Variants in TRIM23 observed in about 807,000 individuals in gnomAD.
TRIM23 encodes the protein E3 ubiquitin-protein ligase TRIM23.
TRIM23 carries 27 observed loss-of-function variants against 71.0 expected under a neutral mutation model. The ratio of observed to expected loss-of-function variants is 0.38; its 90% confidence interval spans 0.28 to 0.52. TRIM23 has a LOEUF of 0.52. Ranked by LOEUF, TRIM23 falls within the 20% of genes least tolerant of loss-of-function variation. The pLI is 0.84. For missense variants in TRIM23, 482 were observed against 692.3 expected (o/e 0.70, Z 3.41); for synonymous variants, 234 against 238.0 (o/e 0.98, Z 0.16).
At chr5:65,596,358 T>A in intron 9 of TRIM23, 63 bp downstream of exon 9, 3 of 1,147,020 alleles carry the variant, frequency 2.6e-6, no homozygotes, top group Non-Finnish European at 3.9e-6. Context: ...GCTAGTTAAA[T>A]CAGTACACTG....
chr5:65,592,316 C>T (rs1005608291), intron 10 of TRIM23, among the ~76,000 whole-genome samples: 7 of 152,122 alleles, frequency 4.6e-5, no homozygotes, highest in Non-Finnish European at 1.0e-4. Context: ...ACTTCTGCCT[C>T]CTGGTTCAAG....
In TRIM23 at chr5:65,590,365, G is replaced by GA; in HGVS notation, c.*1403_*1404insT. On this transcript the variant is annotated 3_prime_UTR_variant, in exon 11 of 11. Coordinates refer to ENST00000231524, the MANE Select transcript of TRIM23 (RefSeq NM_001656.4). ...TACATATTGCCCATAATACTGATAG[G>GA]CTTTTTTTTTAATGCTTTGTTTTCT... 1 of 1,421,068 alleles carries GA rather than the reference G, an allele frequency of 7.0e-7. No homozygotes were observed. Among genetic ancestry groups the GA allele is most frequent in the Non-Finnish European group, 9.4e-7 (1 of 1,069,046 alleles). 88.0% of individuals were successfully genotyped at this position (1,421,068 alleles called of 1,614,324 possible). A position where few individuals can be genotyped will look rare whatever the true frequency, so the allele number is the denominator to read the frequency against.
At chr5:65,617,366 A>C (rs1435501539) in intron 2 of TRIM23, among the ~76,000 whole-genome samples, 1 of 152,188 alleles carries the variant, frequency 6.6e-6, no homozygotes, top group Non-Finnish European at 1.5e-5. Context: ...AATAGTATGA[A>C]TATATTAAAA....
At position 65,590,057 on chromosome 5, in the gene TRIM23, A is replaced by G. The variant is rs191435373; in HGVS notation, c.*1712T>C. Reference sequence around the variant, plus strand: ...CATTATAATCAGGCACAATTTTTCAACTGTGTTCAGTTATATGCTAAGAAT... The same window carrying G: ...CATTATAATCAGGCACAATTTTTCAGCTGTGTTCAGTTATATGCTAAGAAT... On this transcript the variant is annotated 3_prime_UTR_variant, in exon 11 of 11. Coordinates refer to ENST00000231524, the MANE Select transcript of TRIM23 (RefSeq NM_001656.4). 472 of 361,760 alleles carry G rather than the reference A, an allele frequency of 1.3e-3. 2 individuals are homozygous for G. Among genetic ancestry groups the G allele is most frequent in the African/African-American group, 8.7e-3 (412 of 47,422 alleles). 22.4% of individuals were successfully genotyped at this position (361,760 alleles called of 1,614,324 possible). A position where few individuals can be genotyped will look rare whatever the true frequency, so the allele number is the denominator to read the frequency against.
At chr5:65,599,667 G>C (rs1359857124) in intron 7 of TRIM23, among the ~76,000 whole-genome samples, 1 of 152,070 alleles carries the variant, frequency 6.6e-6, no homozygotes, top group African/African-American at 2.4e-5. Flanking sequence ...TAACAGCCCA[G>C]GTAATTTATA....
intron 7 of TRIM23, among the ~76,000 whole-genome samples, chr5:65,600,581 T>C (rs1469903896): frequency 1.3e-5 from 2 of 149,006 alleles, no homozygotes; most frequent in African/African-American, 2.5e-5. Context: ...CCTCATGACA[T>C]TGCATTTGAG....
Position 65,591,528 on chromosome 5 carries a change from AAGAAT to A in TRIM23, c.*236_*240del. 6.7e-7 allele frequency: 1 copy of A among 1,496,882 alleles called. No homozygotes were observed. The highest frequency in any genetic ancestry group is 1.3e-5 in the South Asian group (1 of 78,950). The allele number at this position is 1,496,882 out of a possible 1,614,324, so 92.7% of individuals were successfully genotyped here. On this transcript the variant is annotated 3_prime_UTR_variant, in exon 11 of 11. Coordinates refer to ENST00000231524, the MANE Select transcript of TRIM23 (RefSeq NM_001656.4). Reference sequence around the variant, plus strand: ...CTTAAATAACAAATATACTTTTTAAAAGAATGTATATTCAATAAGTTTCTATTTAA... The same window carrying A: ...CTTAAATAACAAATATACTTTTTAAAGTATATTCAATAAGTTTCTATTTAA...
In TRIM23 at chr5:65,594,660, A is replaced by T. The variant is rs1754147196; in HGVS notation, c.1421-15T>A. 1.3e-6 allele frequency: 2 copies of T among 1,537,932 alleles called. No homozygotes were observed. The highest frequency in any genetic ancestry group is 2.3e-5 in the East Asian group (1 of 42,732). ...AAACACAACAGCTACCCAAAAAAAA[A>T]TAAAAAAAACAAAAATAGTCACTTG... On this transcript the variant is annotated splice_polypyrimidine_tract_variant and intron_variant, in intron 9 of 10. Transcript: ENST00000231524.
intron 6 of TRIM23, among the ~76,000 whole-genome samples, 184 bp downstream of exon 6, chr5:65,609,059 G>C (rs1193740975): frequency 4.6e-5 from 7 of 152,120 alleles, no homozygotes; most frequent in Admixed American, 4.6e-4. Context: ...TGGTGGGAAA[G>C]GCACGTGAAC....
Position 65,591,769 on chromosome 5 carries a change from T to C in TRIM23, c.1725A>G (p.Ter575TrpextTer2). ...LVAAGVLDVA[*>W] is the part of the protein sequence containing the mutation. ...CTTCAAACAACTGCTGCCTTTAAAA[T>C]CAAGCAACATCCAATACTCCAGCAG... Residue 575 changes from the stop codon to tryptophan (W), a stop_lost, in exon 11 of 11, where the codon TGA becomes TGG. Transcript: ENST00000231524. The C allele has an allele frequency of 6.2e-7, 1 of 1,603,966 alleles. No individual in the cohort carries two copies. The highest frequency in any genetic ancestry group is 8.5e-7 in the Non-Finnish European group (1 of 1,174,076).
intron 10 of TRIM23, among the ~76,000 whole-genome samples, chr5:65,594,278 C>G (rs937263019): frequency 4.6e-5 from 7 of 152,126 alleles, no homozygotes; most frequent in African/African-American, 1.7e-4. Flanking sequence ...CAGTCTTCTT[C>G]GTATTCAGAT....
intron 3 of TRIM23, among the ~76,000 whole-genome samples, chr5:65,612,284 T>G (rs42468): frequency 0.57 from 86,814 of 151,972 alleles, 25,196 homozygotes; most frequent in Non-Finnish European, 0.63. Context: ...TTAGTTGTCA[T>G]GATGATGTAT....
At chr5:65,613,383 AT>A (rs986138729) in intron 3 of TRIM23, among the ~76,000 whole-genome samples, 1 of 152,022 alleles carries the variant, frequency 6.6e-6, no homozygotes, top group East Asian at 1.9e-4. Flanking sequence ...GCAATCCGAC[AT>A]TTTTTTTCCT....
chr5:65,604,260 A>C (rs1268051873), intron 7 of TRIM23, among the ~76,000 whole-genome samples: 1 of 151,868 alleles, frequency 6.6e-6, no homozygotes, highest in Non-Finnish European at 1.5e-5. Context: ...CTATGCCAAA[A>C]ATTTTTGTAC....
At chr5:65,617,579 T>C (rs1754808833) in intron 2 of TRIM23, among the ~76,000 whole-genome samples, 1 of 152,124 alleles carries the variant, frequency 6.6e-6, no homozygotes. Context: ...TTTAAAAGTA[T>C]ACAGAAAACT....
intron 7 of TRIM23, among the ~76,000 whole-genome samples, chr5:65,604,347 G>A (rs752061837): frequency 3.9e-5 from 6 of 151,938 alleles, no homozygotes; most frequent in Non-Finnish European, 8.8e-5. Flanking sequence ...CACCCGCCTC[G>A]GCCTCCCAAA....
At chr5:65,605,763 A>T (rs1200447821) in intron 6 of TRIM23, among the ~76,000 whole-genome samples, 2 of 152,210 alleles carry the variant, frequency 1.3e-5, no homozygotes, top group African/African-American at 4.8e-5. Context: ...TCCCAATAAT[A>T]TGCAAGCTCC....
At chr5:65,613,726 C>T in intron 3 of TRIM23, 1 of 1,189,134 alleles carries the variant, frequency 8.4e-7, no homozygotes, top group South Asian at 1.7e-5. Flanking sequence ...TGGCCTCTTA[C>T]ATCGAGTTTT....
At chr5:65,599,987 G>C (rs931473298) in intron 7 of TRIM23, among the ~76,000 whole-genome samples, 3 of 152,264 alleles carry the variant, frequency 2.0e-5, no homozygotes, top group East Asian at 3.9e-4. Flanking sequence ...TTCAGGGAAA[G>C]CCTCAGGAAA....
Sources: allele counts gnomAD v4.1 joint callset (sites outside exome capture counted in the v4.1 genomes callset), GRCh38; gene constraint gnomAD v4.1.1; transcripts MANE v1.5; gene names NCBI Gene and HGNC (gene_info 2026-07-23, HGNC 2026-07-21).